UBAP2L: variants seen among roughly 807,000 people sequenced by gnomAD.
UBAP2L encodes the protein ubiquitin-associated protein 2-like.
In UBAP2L, 12 loss-of-function variants were observed where a neutral mutation model predicts 130.6. That is an observed-to-expected ratio of 0.09 (90% confidence interval 0.06 to 0.15). The LOEUF (loss-of-function observed/expected upper bound fraction) is 0.15. Among genes scored for constraint, UBAP2L ranks in the 10% least tolerant of loss-of-function variants. UBAP2L has a pLI of 1.00. For missense variants in UBAP2L, 965 were observed against 1,332.5 expected (o/e 0.72, Z 4.29); for synonymous variants, 503 against 524.7 (o/e 0.96, Z 0.57).
chr1:154,241,364 A>G, intron 8 of UBAP2L, 149 bp from the exon 9 acceptor site: 1 of 662,676 alleles, frequency 1.5e-6, no homozygotes. Context: ...TTAGGATTAT[A>G]GGTGTGAGCC....
At position 154,251,331 on chromosome 1, in the gene UBAP2L, T is replaced by C. The variant is rs369791860; in HGVS notation, c.1491+13T>C. 84 of 1,604,066 alleles carry C rather than the reference T, an allele frequency of 5.2e-5. No individual in the cohort carries two copies. Among genetic ancestry groups the C allele is most frequent in the Non-Finnish European group, 6.5e-5 (77 of 1,175,790 alleles). ...CTTGACTTCTAAGGTACTTAAACTTTTAGGTAGATACCATTTTATGGCAAG... is the reference window on the plus strand; with the variant it reads ...CTTGACTTCTAAGGTACTTAAACTTCTAGGTAGATACCATTTTATGGCAAG... On this transcript the variant is annotated intron_variant, in intron 13 of 26. Transcript: ENST00000428931.
intron 3 of UBAP2L, among the ~76,000 whole-genome samples, chr1:154,227,768 G>A (rs547345611): frequency 1.2e-4 from 18 of 152,006 alleles, no homozygotes; most frequent in East Asian, 1.2e-3. Flanking sequence ...GGCTGGTCTC[G>A]AACTCCTGAC....
At chr1:154,241,405 T>C in intron 8 of UBAP2L, 108 bp from the exon 9 acceptor site, 1 of 1,034,282 alleles carries the variant, frequency 9.7e-7, no homozygotes, top group Admixed American at 2.0e-5. Flanking sequence ...TACTAAATTT[T>C]AGTCATACTT....
intron 26 of UBAP2L, 186 bp downstream of exon 26, chr1:154,269,140 C>T: frequency 1.1e-6 from 1 of 908,818 alleles, no homozygotes; most frequent in East Asian, 2.7e-5. Context: ...CAAAGGAAAT[C>T]TCAGAGAAGG....
At chr1:154,222,664 G>C (rs1044775432) in intron 1 of UBAP2L, among the ~76,000 whole-genome samples, 29 of 152,194 alleles carry the variant, frequency 1.9e-4, no homozygotes, top group African/African-American at 7.0e-4. Flanking sequence ...GTTAGAGGTA[G>C]CAAATTTTAC....
chr1:154,270,672 TTTA>T lies in UBAP2L; in HGVS notation c.*384_*386del. ...AGCCCAACAGCCCTAAGTCTCCTTC[TTTA>T]TTATTAGGAAAACAACAACAACAAC... is the stretch of plus-strand genomic sequence containing the variant. On this transcript the variant is annotated 3_prime_UTR_variant, in exon 27 of 27. Coordinates refer to ENST00000428931, the MANE Select transcript of UBAP2L (RefSeq NM_014847.4). The T allele has an allele frequency of 2.1e-6, 3 of 1,411,706 alleles. No homozygotes were observed. The highest frequency in any genetic ancestry group is 2.8e-6 in the Non-Finnish European group (3 of 1,089,590). The allele number at this position is 1,411,706 out of a possible 1,614,324, so 87.4% of individuals were successfully genotyped here.
intron 10 of UBAP2L, among the ~76,000 whole-genome samples, chr1:154,245,018 G>C (rs1018702470): frequency 2.0e-5 from 3 of 151,902 alleles, no homozygotes; most frequent in Admixed American, 2.0e-4. Context: ...TGCAACCTCC[G>C]CCTCCCAGGT....
At chr1:154,258,510 G>T (rs1680433979) in intron 20 of UBAP2L, 1 of 153,018 alleles carries the variant, frequency 6.5e-6, no homozygotes, top group African/African-American at 2.4e-5. Flanking sequence ...CATAGACAAA[G>T]TCTAGATAAA....
Position 154,235,266 on chromosome 1 carries a change from C to G in UBAP2L, c.519C>G (p.Gly173=), listed in dbSNP as rs1352288502. Residue 173 remains glycine, a synonymous_variant, in exon 6 of 27, where the codon GGC becomes GGG. Coordinates refer to ENST00000428931, the MANE Select transcript of UBAP2L (RefSeq NM_014847.4). ...CTTCTGGAAGAGGAACAGAAAGAGGCAGAAGGGGCCGTGGCCGAGGCAGAG... is the reference window on the plus strand; with the variant it reads ...CTTCTGGAAGAGGAACAGAAAGAGGGAGAAGGGGCCGTGGCCGAGGCAGAG... The part of the protein sequence containing the change: ...GGPSGRGTER[G]RRGRGRGRGG... 2.6e-6 allele frequency: 2 copies of G among 778,416 alleles called. No individual in the cohort carries two copies. The highest frequency in any genetic ancestry group is 2.4e-5 in the East Asian group (1 of 41,130). 48.2% of individuals were successfully genotyped at this position (778,416 alleles called of 1,614,324 possible).
upstream of UBAP2L, chr1:154,220,767 G>A (rs1229926492): frequency 3.0e-5 from 8 of 263,582 alleles, no homozygotes; most frequent in East Asian, 8.8e-5. Context: ...GAGCCGGAAA[G>A]AGGTGTCTCG....
chr1:154,257,330 G>A lies in UBAP2L; in HGVS notation c.2354-16G>A, dbSNP rs1679988709. Reference sequence around the variant, plus strand: ...AGTAATTGTGTGATGGGATAAAAATGTAATTTCTCTTTTAGGAAAAGCTCC... The same window carrying A: ...AGTAATTGTGTGATGGGATAAAAATATAATTTCTCTTTTAGGAAAAGCTCC... On this transcript the variant is annotated splice_polypyrimidine_tract_variant and intron_variant, in intron 19 of 26. Coordinates refer to ENST00000428931, the MANE Select transcript of UBAP2L (RefSeq NM_014847.4). 6.2e-6 allele frequency: 10 copies of A among 1,614,182 alleles called. No individual in the cohort carries two copies. The South Asian group carries it at 6.6e-5, about 11-fold the overall frequency.
chr1:154,263,614 A>C (rs1422952866), intron 24 of UBAP2L: 1 of 726,742 alleles, frequency 1.4e-6, no homozygotes, highest in Non-Finnish European at 1.7e-6. Flanking sequence ...TAGCCAAAGA[A>C]CTATTAATTT....
intron 4 of UBAP2L, 89 bp from the exon 5 acceptor site, chr1:154,234,502 G>C: frequency 7.0e-7 from 1 of 1,427,920 alleles, no homozygotes; most frequent in Non-Finnish European, 9.8e-7. Context: ...GTGGAGAATG[G>C]TTAAGTCAAT....
chr1:154,266,272 T>G (rs1683193791), intron 24 of UBAP2L, among the ~76,000 whole-genome samples: 1 of 152,136 alleles, frequency 6.6e-6, no homozygotes, highest in Admixed American at 6.5e-5. Context: ...ACAACTTACC[T>G]CACTCTCTCT....
chr1:154,263,703 A>G (rs551983184), intron 24 of UBAP2L, among the ~76,000 whole-genome samples: 5 of 152,314 alleles, frequency 3.3e-5, no homozygotes, highest in Admixed American at 1.3e-4. Context: ...TGGTAAAGGA[A>G]ACTATTTGTA....
At chr1:154,220,612 CCT>C (rs1665562039), upstream of UBAP2L, 2 of 602,624 alleles carry the variant, frequency 3.3e-6, no homozygotes, top group African/African-American at 3.7e-5. Flanking sequence ...CCAGCTTCCC[CCT>C]GACACGTGAC....
upstream of UBAP2L, chr1:154,220,348 C>G: frequency 6.2e-7 from 1 of 1,614,222 alleles, no homozygotes. Context: ...TCACCAGGCT[C>G]CCGTAGGCCA....
chr1:154,239,345 G>A (rs756936774), intron 8 of UBAP2L, among the ~76,000 whole-genome samples: 25 of 151,998 alleles, frequency 1.6e-4, no homozygotes, highest in Non-Finnish European at 3.5e-4. Flanking sequence ...ACATCCAGGT[G>A]CCTAACTGCC....
chr1:154,225,234 G>A (rs750068409), intron 2 of UBAP2L, 21 bp downstream of exon 2: 5 of 1,611,910 alleles, frequency 3.1e-6, no homozygotes, highest in Non-Finnish European at 4.2e-6. Flanking sequence ...CAAGGCATAC[G>A]GATTCATGGA....
Sources: allele counts gnomAD v4.1 joint callset (sites outside exome capture counted in the v4.1 genomes callset), GRCh38; gene constraint gnomAD v4.1.1; transcripts MANE v1.5; gene names NCBI Gene and HGNC (gene_info 2026-07-23, HGNC 2026-07-21).